The following TMX2 variants were observed in gnomAD, a reference collection of about 807,000 sequenced individuals.
The protein encoded by TMX2 is thioredoxin-related transmembrane protein 2.
In TMX2, 20 loss-of-function variants were observed where a neutral mutation model predicts 33.4. The ratio of observed to expected loss-of-function variants is 0.60; its 90% CI spans 0.42 to 0.87. The LOEUF (loss-of-function observed/expected upper bound fraction) is 0.87. Among genes scored for constraint, TMX2 ranks in the 40% least tolerant of loss-of-function variants. TMX2 has a pLI of 0.00. For synonymous variants in TMX2, 166 were observed against 140.7 expected (o/e 1.18, Z -1.27); for missense variants, 340 against 370.7 (o/e 0.92, Z 0.68).
chr11:57,738,391 C>T lies in TMX2; in HGVS notation c.402C>T (p.Gly134=), dbSNP rs559489409. The change falls in exon 4 of 8, where the codon GGC becomes GGT. Residue 134 remains glycine (G), a synonymous_variant. Coordinates refer to ENST00000278422, the MANE Select transcript of TMX2 (RefSeq NM_015959.4). ...LMTCKPPLYM[G]PEYIKYFNDK... ...CGTGCAAACCCCCCCTATATATGGG[C>T]CCTGAGTATATCAAGTACTTCAATG... 3.7e-6 allele frequency: 6 copies of T among 1,612,150 alleles called. No homozygotes were observed. In the South Asian group the frequency reaches 6.6e-5, roughly 18 times the overall value.
chr11:57,712,792 G>C lies in TMX2; in HGVS notation c.174G>C (p.Pro58=). The change falls in exon 1 of 8, where the codon CCG becomes CCC. Residue 58 remains proline, a synonymous_variant. Coordinates refer to ENST00000278422, the MANE Select transcript of TMX2 (RefSeq NM_015959.4). The stretch of plus-strand genomic sequence containing the variant: ...CCACCCAACGCGAAGACGGTAACCC[G>C]TGTGACTTTGACTGGGTGAGCCTCC... The part of the protein sequence containing the change: ...GLPTQREDGN[P]CDFDWREVEI... 1.1e-5 allele frequency: 18 copies of C among 1,614,076 alleles called. No homozygotes were observed. Among genetic ancestry groups the C allele is most frequent in the Non-Finnish European group, 1.5e-5 (18 of 1,180,024 alleles).
At chr11:57,737,874 G>C in intron 2 of TMX2, 39 bp from the exon 3 acceptor site, 9 of 1,614,196 alleles carry the variant, frequency 5.6e-6, no homozygotes, top group Non-Finnish European at 7.6e-6. Context: ...ATATAGGAGT[G>C]CACAGCCCAG....
intron 1 of TMX2, among the ~76,000 whole-genome samples, chr11:57,717,750 A>AGAG (rs1947269510): frequency 7.1e-6 from 1 of 140,346 alleles, no homozygotes; most frequent in Admixed American, 7.0e-5. Context: ...GGGAGAGGGG[A>AGAG]GAGGGAGAGG....
At chr11:57,739,354 C>G in intron 7 of TMX2, 94 bp downstream of exon 7, 1 of 1,365,972 alleles carries the variant, frequency 7.3e-7, no homozygotes, top group South Asian at 1.2e-5. Flanking sequence ...CTGCCACTTG[C>G]CCATTAGCTT....
At chr11:57,735,889 C>CT (rs1233421545) in intron 1 of TMX2, among the ~76,000 whole-genome samples, 1 of 152,176 alleles carries the variant, frequency 6.6e-6, no homozygotes, top group Non-Finnish European at 1.5e-5. Context: ...TCACTGGTCT[C>CT]TTATCAGGAA....
chr11:57,739,277 G>A lies in TMX2; in HGVS notation c.744+17G>A. The A allele has an allele frequency of 6.2e-7, 1 of 1,614,006 alleles. No individual in the cohort carries two copies. The highest frequency in any genetic ancestry group is 8.5e-7 in the Non-Finnish European group (1 of 1,179,996). On this transcript the variant is annotated intron_variant, in intron 7 of 7. Coordinates refer to ENST00000278422, the MANE Select transcript of TMX2 (RefSeq NM_015959.4). The stretch of plus-strand genomic sequence containing the variant: ...TTCTCTGAGGTACCTGAAAGGAAGG[G>A]CAGGTGCATGAAGGGTGCAGAACAG...
intron 1 of TMX2, among the ~76,000 whole-genome samples, chr11:57,732,037 A>G (rs1458412319): frequency 6.6e-6 from 1 of 152,178 alleles, no homozygotes; most frequent in Non-Finnish European, 1.5e-5. Flanking sequence ...AATCATACAA[A>G]TGTTCTTTTC....
intron 1 of TMX2, among the ~76,000 whole-genome samples, chr11:57,716,047 T>C (rs550337161): frequency 6.6e-6 from 1 of 152,276 alleles, no homozygotes; most frequent in South Asian, 2.1e-4. Flanking sequence ...CCCCTTTCTA[T>C]TCCACAAAAC....
intron 1 of TMX2, among the ~76,000 whole-genome samples, chr11:57,726,719 A>G (rs574129359): frequency 1.3e-5 from 2 of 152,220 alleles, no homozygotes; most frequent in Non-Finnish European, 2.9e-5. Flanking sequence ...TCTACTTTTA[A>G]TAAGTCTGTA....
intron 1 of TMX2, among the ~76,000 whole-genome samples, chr11:57,719,027 A>G (rs1947374655): frequency 1.0e-5 from 1 of 98,204 alleles, no homozygotes; most frequent in Non-Finnish European, 2.1e-5. Context: ...GGCCATATAT[A>G]TATATATTTT....
intron 1 of TMX2, among the ~76,000 whole-genome samples, chr11:57,736,698 G>A (rs1310541685): frequency 1.3e-5 from 2 of 151,922 alleles, no homozygotes; most frequent in Non-Finnish European, 2.9e-5. Flanking sequence ...TACCAGCCCG[G>A]GCAACATGGG....
At chr11:57,729,541 C>T (rs117868789) in intron 1 of TMX2, among the ~76,000 whole-genome samples, 3,964 of 152,182 alleles carry the variant, frequency 0.026, 76 homozygotes, top group Middle Eastern at 0.078. Context: ...TTTAATTTCC[C>T]TCTAGCACAC....
chr11:57,721,171 G>A (rs1380347023), intron 1 of TMX2, among the ~76,000 whole-genome samples: 1 of 151,936 alleles, frequency 6.6e-6, no homozygotes, highest in Admixed American at 6.6e-5. Flanking sequence ...GTGTGGTGGT[G>A]TGTGCCTGCA....
intron 1 of TMX2, among the ~76,000 whole-genome samples, chr11:57,721,231 G>A (rs1169495810): frequency 6.6e-6 from 1 of 152,032 alleles, no homozygotes; most frequent in Non-Finnish European, 1.5e-5. Flanking sequence ...GAACTGGGAG[G>A]CAGAGGTTGC....
chr11:57,722,848 C>T (rs1447498768), intron 1 of TMX2, among the ~76,000 whole-genome samples: 1 of 152,128 alleles, frequency 6.6e-6, no homozygotes, highest in Admixed American at 6.5e-5. Flanking sequence ...TGCAGTGGCA[C>T]AAGCCTATAA....
intron 1 of TMX2, among the ~76,000 whole-genome samples, chr11:57,726,994 C>G (rs1948047880): frequency 6.6e-6 from 1 of 152,184 alleles, no homozygotes; most frequent in Admixed American, 6.5e-5. Flanking sequence ...TTACTGCCCT[C>G]AGATTCTACC....
chr11:57,719,032 TA>T (rs781288306), intron 1 of TMX2, among the ~76,000 whole-genome samples: 2,309 of 81,838 alleles, frequency 0.028, 47 homozygotes, highest in African/African-American at 0.043. Context: ...TATATATATA[TA>T]TTTTTTTTTT....
chr11:57,739,472 C>T (rs1196531974), intron 7 of TMX2, among the ~76,000 whole-genome samples: 1 of 152,156 alleles, frequency 6.6e-6, no homozygotes, highest in Non-Finnish European at 1.5e-5. Context: ...AAGATTTGGT[C>T]TCAGGCCAGG....
At chr11:57,723,899 T>TA (rs1445633229) in intron 1 of TMX2, among the ~76,000 whole-genome samples, 146 of 149,840 alleles carry the variant, frequency 9.7e-4, no homozygotes, top group African/African-American at 2.4e-3. Flanking sequence ...TTTTTTTTTT[T>TA]TAAAAAGGAA....
Sources: gnomAD v4.1 joint callset for allele counts (sites outside exome capture counted in the v4.1 genomes callset) on GRCh38, gnomAD v4.1.1 for gene constraint, MANE v1.5 for transcripts, NCBI Gene and HGNC (gene_info 2026-07-23, HGNC 2026-07-21) for gene names.